SLC12A1: variants seen among roughly 807,000 people sequenced by gnomAD.
SLC12A1 encodes Na-K-2Cl cotransporter.
Under a neutral mutation model 130.4 loss-of-function variants are expected in SLC12A1, and 89 were observed. That is an observed-to-expected ratio of 0.68 (90% confidence interval 0.58 to 0.81). The LOEUF is 0.81. Ranked by LOEUF, SLC12A1 falls within the 40% of genes least tolerant of loss-of-function variation. The probability of loss-of-function intolerance (pLI) is 0.00; values close to 1 mark genes in which losing one functional copy is unlikely to be tolerated. For synonymous variants in SLC12A1, 499 were observed against 460.0 expected, an observed-to-expected ratio of 1.08 and a Z score of -1.09; for missense variants, 1,310 against 1,336.4, an observed-to-expected ratio of 0.98 and a Z score of 0.31.
chr15:48,214,823 A>T (rs2041100048), intron 2 of SLC12A1, among the ~76,000 whole-genome samples: 1 of 152,142 alleles, frequency 6.6e-6, no homozygotes, highest in South Asian at 2.1e-4. Flanking sequence ...AAACTCAATA[A>T]TGAGTACCTG....
chr15:48,238,041 T>A (rs1788952338), intron 9 of SLC12A1, among the ~76,000 whole-genome samples: 1 of 152,214 alleles, frequency 6.6e-6, no homozygotes, highest in African/African-American at 2.4e-5. Flanking sequence ...AAATGTTTTT[T>A]ACTATGATCC....
intron 20 of SLC12A1, among the ~76,000 whole-genome samples, chr15:48,275,076 G>C (rs1037539022): frequency 6.6e-5 from 10 of 152,188 alleles, no homozygotes; most frequent in African/African-American, 2.4e-4. Context: ...GAGCCTGAAT[G>C]TATCATGCTG....
At chr15:48,273,866 A>T (rs1438479762) in intron 19 of SLC12A1, among the ~76,000 whole-genome samples, 1 of 152,198 alleles carries the variant, frequency 6.6e-6, no homozygotes, top group Non-Finnish European at 1.5e-5. Flanking sequence ...AATGAAAAAA[A>T]TTTAAATGAC....
rs113506297 is a variant in SLC12A1 at position 48,230,477 on chromosome 15, G to A, written c.949G>A (p.Val317Ile). Residue 317 changes from valine to isoleucine, a missense_variant, in exon 7 of 27, where the codon GTA becomes ATA. Physicochemically the swap from Val to Ile is conservative, Grantham distance 29 (BLOSUM62 3). Transcript: ENST00000380993. ...AGTGGTGATTCTTCTAGGAATTTCA[G>A]TAGCTGGAATGGAATGGGAGGCAAA... ...ITVVILLGIS[V>I]AGMEWEAKAQ... is the part of the protein sequence containing the mutation. 1.5e-5 allele frequency: 24 copies of A among 1,611,484 alleles called. No homozygotes were observed. The African/African-American group carries it at 2.0e-4, about 13-fold the overall frequency.
intron 16 of SLC12A1, among the ~76,000 whole-genome samples, chr15:48,257,598 G>A (rs1310027039): frequency 6.6e-6 from 1 of 152,134 alleles, no homozygotes; most frequent in African/African-American, 2.4e-5. Context: ...CCAAGGCTTG[G>A]GACTTTCACC....
At position 48,267,605 on chromosome 15, in the gene SLC12A1, G is replaced by A. The variant is rs150609105; in HGVS notation, c.2199G>A (p.Ala733=). The change falls in exon 18 of 27, where the codon GCG becomes GCA. Residue 733 remains alanine (A), a synonymous_variant. Transcript: ENST00000380993. ...LCVKEMNSGM[A]KKQAWLIKNK... is the part of the protein sequence containing the mutation. ...TTAAGGAGATGAACAGTGGCATGGC[G>A]AAAAAACAGGCCTGGCTTATAAAGA... 2.6e-4 allele frequency: 412 copies of A among 1,613,520 alleles called. 1 individual carries two copies. In the African/African-American group the frequency reaches 4.6e-3, roughly 18 times the overall value.
At chr15:48,237,120 C>A (rs184712032) in intron 9 of SLC12A1, 42 of 673,950 alleles carry the variant, frequency 6.2e-5, no homozygotes, top group Admixed American at 1.4e-4. Context: ...CAGAAATTGC[C>A]TGTCCCCTCA....
intron 4 of SLC12A1, chr15:48,223,084 T>TA: frequency 6.6e-6 from 1 of 152,242 alleles, no homozygotes; most frequent in Non-Finnish European, 1.5e-5. Flanking sequence ...GCAAGTCACT[T>TA]ACATTCGGTG....
At position 48,221,144 on chromosome 15, in the gene SLC12A1, T is replaced by C. The variant is rs967567119; in HGVS notation, c.628+148T>C. 2.1e-5 allele frequency: 17 copies of C among 815,222 alleles called. No individual in the cohort carries two copies. In the African/African-American group the frequency reaches 2.6e-4, roughly 12 times the overall value. 50.5% of individuals were successfully genotyped at this position (815,222 alleles called of 1,614,324 possible). On this transcript the variant is annotated intron_variant, in intron 4 of 26. Transcript: ENST00000380993. ...CTTTTACTTTGCTTCTTTGACGATG[T>C]TTGTCAGAAAGCAAAGGTGAAGAGT... is the stretch of plus-strand genomic sequence containing the variant.
chr15:48,285,347 A>G, intron 21 of SLC12A1, 98 bp downstream of exon 21: 2 of 1,175,686 alleles, frequency 1.7e-6, no homozygotes, highest in South Asian at 2.9e-5. Flanking sequence ...TGTTGGGAGC[A>G]TTGAGTGTGG....
chr15:48,207,181 A>T (rs34810140), intron 1 of SLC12A1, among the ~76,000 whole-genome samples: 1,806 of 152,324 alleles, frequency 0.012, 39 homozygotes, highest in African/African-American at 0.042. Context: ...ACTGTCAGTG[A>T]ACTGTGTCTT....
chr15:48,271,313 T>A (rs912154695), intron 19 of SLC12A1, among the ~76,000 whole-genome samples: 3 of 152,208 alleles, frequency 2.0e-5, no homozygotes, highest in African/African-American at 7.2e-5. Context: ...AGCCATCTTT[T>A]GTGTCAACAT....
chr15:48,266,445 CT>C lies in SLC12A1; in HGVS notation c.2155-1102del, dbSNP rs67628277. Among the ~76,000 whole-genome samples, 1,313 of 144,402 alleles carry C rather than the reference CT, an allele frequency of 9.1e-3. 12 individuals are homozygous for C. The highest frequency in any genetic ancestry group is 0.046 in the Middle Eastern group (13 of 280). 94.7% of individuals were successfully genotyped at this position (144,402 alleles called of 152,430 possible). A position where few individuals can be genotyped will look rare whatever the true frequency, so the allele number is the denominator to read the frequency against. On this transcript the variant is annotated intron_variant, in intron 17 of 26. Transcript: ENST00000380993. The stretch of plus-strand genomic sequence containing the variant: ...GTTTTGTCTGACCGCAAAGCCTGGG[CT>C]TTTTTTTTTTTTTCATGCATCCCAA...
At chr15:48,302,351 T>C (rs2042241944) in intron 26 of SLC12A1, among the ~76,000 whole-genome samples, 1 of 152,154 alleles carries the variant, frequency 6.6e-6, no homozygotes, top group East Asian at 1.9e-4. Context: ...CCGGGCGCGG[T>C]GGCTCACGCC....
At chr15:48,280,437 T>G (rs1261359414) in intron 20 of SLC12A1, among the ~76,000 whole-genome samples, 2 of 152,214 alleles carry the variant, frequency 1.3e-5, no homozygotes, top group Non-Finnish European at 2.9e-5. Flanking sequence ...CCTACAGGTC[T>G]AAGCTTTTTC....
intron 16 of SLC12A1, among the ~76,000 whole-genome samples, chr15:48,257,723 C>T (rs1009522757): frequency 6.6e-6 from 1 of 152,290 alleles, no homozygotes; most frequent in Admixed American, 6.5e-5. Context: ...CTGGACCATG[C>T]CCAGGAAACG....
intron 24 of SLC12A1, among the ~76,000 whole-genome samples, chr15:48,293,502 T>C (rs1312702412): frequency 6.6e-6 from 1 of 152,188 alleles, no homozygotes; most frequent in Non-Finnish European, 1.5e-5. Flanking sequence ...TCAGATCTCT[T>C]CCCTTTTCTG....
intron 19 of SLC12A1, among the ~76,000 whole-genome samples, chr15:48,274,008 G>A (rs2041925008): frequency 6.6e-6 from 1 of 152,100 alleles, no homozygotes; most frequent in Non-Finnish European, 1.5e-5. Context: ...AATTCCTTTG[G>A]GTTGAATACA....
chr15:48,289,551 C>A (rs4325499), intron 23 of SLC12A1, among the ~76,000 whole-genome samples: 48,921 of 150,902 alleles, frequency 0.32, 10,214 homozygotes, highest in African/African-American at 0.58. Context: ...AGGCAATTTC[C>A]TATTGTGCAA....
Sources: gnomAD v4.1 joint callset for allele counts (sites outside exome capture counted in the v4.1 genomes callset) on GRCh38, gnomAD v4.1.1 for gene constraint, MANE v1.5 for transcripts, NCBI Gene and HGNC (gene_info 2026-07-23, HGNC 2026-07-21) for gene names.